Variants in CNGB3 observed in about 807,000 individuals in gnomAD.
CNGB3 encodes cyclic nucleotide gated channel subunit beta 3.
A neutral mutation model predicts 92.8 loss-of-function variants in CNGB3; 86 were observed. That is an observed-to-expected ratio of 0.93 (90% CI 0.78 to 1.11). The LOEUF (loss-of-function observed/expected upper bound fraction) is 1.11. CNGB3 is among the 50% of genes least tolerant of loss of function. The pLI is 0.00. For missense variants in CNGB3, 1,026 were observed against 956.8 expected (o/e 1.07, Z -0.95); for synonymous variants, 333 against 332.7 (o/e 1.00, Z -0.01).
chr8:86,579,958 C>T (rs1821731451), intron 15 of CNGB3, among the ~76,000 whole-genome samples: 1 of 152,176 alleles, frequency 6.6e-6, no homozygotes, highest in Non-Finnish European at 1.5e-5. Context: ...AGTCCATTTT[C>T]ACCTTGCTAT....
chr8:86,728,062 G>A (rs1184004453), intron 2 of CNGB3, among the ~76,000 whole-genome samples: 3 of 152,100 alleles, frequency 2.0e-5, no homozygotes, highest in African/African-American at 7.2e-5. Context: ...GATTTCCCAA[G>A]ACGCTTTTAT....
At chr8:86,616,142 C>T (rs186520604) in intron 13 of CNGB3, among the ~76,000 whole-genome samples, 2 of 152,272 alleles carry the variant, frequency 1.3e-5, no homozygotes, top group Non-Finnish European at 2.9e-5. Flanking sequence ...TTTCAGCTGA[C>T]GGCTTGGATT....
At chr8:86,691,756 C>A (rs1013328480) in intron 3 of CNGB3, among the ~76,000 whole-genome samples, 1 of 151,848 alleles carries the variant, frequency 6.6e-6, no homozygotes, top group African/African-American at 2.4e-5. Flanking sequence ...TATTTCTTTT[C>A]TTCTGCTGGG....
intron 15 of CNGB3, among the ~76,000 whole-genome samples, chr8:86,595,869 T>C (rs1388080771): frequency 1.3e-5 from 2 of 152,348 alleles, no homozygotes; most frequent in East Asian, 3.9e-4. Context: ...TTTGTCAAAA[T>C]ATTTCGCCAT....
At chr8:86,601,746 AG>A (rs1301725277) in intron 15 of CNGB3, among the ~76,000 whole-genome samples, 1 of 152,180 alleles carries the variant, frequency 6.6e-6, no homozygotes, top group East Asian at 1.9e-4. Context: ...GTATCTGGAA[AG>A]AGGCAGATGC....
chr8:86,689,157 T>G (rs1254014703), intron 3 of CNGB3, among the ~76,000 whole-genome samples: 10 of 21,878 alleles, frequency 4.6e-4, no homozygotes, highest in East Asian at 0.015. Context: ...AATTTCATGT[T>G]TTTTTTTTCA....
intron 13 of CNGB3, among the ~76,000 whole-genome samples, chr8:86,617,532 A>T (rs1822643375): frequency 6.6e-6 from 1 of 152,208 alleles, no homozygotes; most frequent in African/African-American, 2.4e-5. Flanking sequence ...GCGAGGCATG[A>T]TACTGATTGG....
chr8:86,603,670 G>A (rs1822354451), intron 15 of CNGB3, among the ~76,000 whole-genome samples: 1 of 152,194 alleles, frequency 6.6e-6, no homozygotes, highest in African/African-American at 2.4e-5. Flanking sequence ...AAAGCCAGTA[G>A]TGGTGAAACT....
intron 15 of CNGB3, among the ~76,000 whole-genome samples, chr8:86,591,448 G>C (rs537141362): frequency 5.3e-4 from 80 of 151,330 alleles, no homozygotes; most frequent in Admixed American, 4.1e-3. Context: ...TTTCTGTTCT[G>C]TTTTTTCCCC....
chr8:86,607,642 G>C (rs1294875193), intron 14 of CNGB3, among the ~76,000 whole-genome samples: 1 of 152,116 alleles, frequency 6.6e-6, no homozygotes, highest in Non-Finnish European at 1.5e-5. Flanking sequence ...TTTTGGGAAT[G>C]AGGTCCCAGA....
rs113310866 is a variant in CNGB3 at position 86,627,931 on chromosome 8, C to T, written c.1480+988G>A. ...TTTTTCTCCTTCTCCTCAGCCTACT[C>T]GACAGTGAAGATGAGGAGGATGAAG... On this transcript the variant is annotated intron_variant, in intron 12 of 17. Coordinates refer to ENST00000320005, the MANE Select transcript of CNGB3 (RefSeq NM_019098.5). 7.5e-4 allele frequency among the ~76,000 whole-genome samples: 114 copies of T among 152,250 alleles called. 1 individual carries two copies. The South Asian group carries it at 0.011, about 15-fold the overall frequency.
intron 15 of CNGB3, among the ~76,000 whole-genome samples, chr8:86,599,330 C>A (rs1366297523): frequency 6.6e-6 from 1 of 152,074 alleles, no homozygotes; most frequent in Non-Finnish European, 1.5e-5. Flanking sequence ...ATGTATGTTG[C>A]CTCAGGACCC....
intron 3 of CNGB3, among the ~76,000 whole-genome samples, chr8:86,678,696 A>C (rs1040638714): frequency 6.6e-5 from 10 of 152,182 alleles, no homozygotes; most frequent in Non-Finnish European, 1.5e-4. Context: ...ATTGTCCCAA[A>C]AATGTAATGG....
chr8:86,594,950 C>T (rs10808666), intron 15 of CNGB3, among the ~76,000 whole-genome samples: 98,635 of 151,946 alleles, frequency 0.65, 34,539 homozygotes, highest in Non-Finnish European at 0.78. Flanking sequence ...TCTCGGTTTC[C>T]TGACCTCATG....
intron 6 of CNGB3, among the ~76,000 whole-genome samples, chr8:86,656,736 A>C (rs933510031): frequency 6.6e-6 from 1 of 152,142 alleles, no homozygotes; most frequent in Non-Finnish European, 1.5e-5. Flanking sequence ...CCCCCAACCA[A>C]AATGGCTAAA....
chr8:86,640,932 C>G (rs1268548360), intron 10 of CNGB3, among the ~76,000 whole-genome samples: 4 of 151,984 alleles, frequency 2.6e-5, no homozygotes, highest in African/African-American at 9.7e-5. Context: ...CTGCGACCTA[C>G]TGGGCTGCCT....
At chr8:86,638,140 G>T in intron 10 of CNGB3, among the ~76,000 whole-genome samples, 1 of 152,024 alleles carries the variant, frequency 6.6e-6, no homozygotes, top group Non-Finnish European at 1.5e-5. Context: ...TACCTAGCCT[G>T]CCTCAAGTTT....
intron 3 of CNGB3, among the ~76,000 whole-genome samples, chr8:86,694,631 C>T (rs998658468): frequency 8.6e-5 from 13 of 151,550 alleles, no homozygotes; most frequent in Admixed American, 5.9e-4. Context: ...AGGGTCGCGG[C>T]CGGGCAGAGG....
At chr8:86,671,480 G>T (rs1250794644) in intron 3 of CNGB3, among the ~76,000 whole-genome samples, 1 of 152,144 alleles carries the variant, frequency 6.6e-6, no homozygotes, top group African/African-American at 2.4e-5. Flanking sequence ...CAATAAGTAT[G>T]GTGGTTTTAT....
Sources: gnomAD v4.1 joint callset for allele counts (sites outside exome capture counted in the v4.1 genomes callset) on GRCh38, gnomAD v4.1.1 for gene constraint, MANE v1.5 for transcripts, NCBI Gene and HGNC (gene_info 2026-07-23, HGNC 2026-07-21) for gene names.